Variants in TEAD1 observed in about 807,000 individuals in gnomAD.
TEAD1 encodes the protein TEA domain transcription factor 1, also known as transcriptional enhancer factor TEF-1.
A neutral mutation model predicts 54.9 loss-of-function variants in TEAD1; 9 were observed. That is an observed-to-expected ratio of 0.16 (90% CI 0.10 to 0.29). The LOEUF (loss-of-function observed/expected upper bound fraction) is 0.29, where lower values mean the gene tolerates loss of function less well. Among genes scored for constraint, TEAD1 ranks in the 10% least tolerant of loss-of-function variants. The probability of loss-of-function intolerance (pLI) is 1.00; values close to 1 mark genes in which losing one functional copy is unlikely to be tolerated. For synonymous variants in TEAD1, 200 were observed against 187.8 expected (o/e 1.07, Z -0.53); for missense variants, 387 against 535.9 (o/e 0.72, Z 2.74).
At chr11:12,741,610 C>T (rs1944650470) in intron 2 of TEAD1, among the ~76,000 whole-genome samples, 1 of 152,160 alleles carries the variant, frequency 6.6e-6, no homozygotes, top group South Asian at 2.1e-4. Context: ...CTGTAATTGT[C>T]TATTCATCTC....
intron 3 of TEAD1, among the ~76,000 whole-genome samples, chr11:12,841,370 G>T (rs990545188): frequency 1.3e-5 from 2 of 152,204 alleles, no homozygotes; most frequent in African/African-American, 4.8e-5. Context: ...TCTGCTGTGA[G>T]TGCAGCTCCT....
intron 3 of TEAD1, among the ~76,000 whole-genome samples, chr11:12,845,834 C>T (rs1463354871): frequency 6.6e-6 from 1 of 152,218 alleles, no homozygotes; most frequent in African/African-American, 2.4e-5. Context: ...TTGGTCGCCT[C>T]TCTGGGTGTC....
At chr11:12,730,863 G>T (rs2133878959) in intron 2 of TEAD1, among the ~76,000 whole-genome samples, 1 of 151,870 alleles carries the variant, frequency 6.6e-6, no homozygotes, top group East Asian at 1.9e-4. Context: ...ACCATGCCCG[G>T]CTAATTTTAG....
In TEAD1 at chr11:12,687,097, A is replaced by G. The variant is rs557843427; in HGVS notation, c.-55+11536A>G. On this transcript the variant is annotated intron_variant, in intron 2 of 12. Coordinates refer to ENST00000527636, the MANE Select transcript of TEAD1 (RefSeq NM_021961.6). ...AAGTCCTGGTTGGGAATCCTCTGCT[A>G]TGGCTCTTCCTGTGACCTTAGGTAA... Among the ~76,000 whole-genome samples the G allele has an allele frequency of 2.6e-5, 4 of 152,312 alleles. No homozygotes were observed. The South Asian group carries it at 8.3e-4, about 32-fold the overall frequency.
At chr11:12,905,227 A>G (rs1734372815) in intron 10 of TEAD1, among the ~76,000 whole-genome samples, 1 of 152,218 alleles carries the variant, frequency 6.6e-6, no homozygotes, top group Non-Finnish European at 1.5e-5. Context: ...CCCTTATTTT[A>G]CCCAGTGGAT....
intron 10 of TEAD1, among the ~76,000 whole-genome samples, chr11:12,915,275 A>C (rs1368323035): frequency 6.6e-6 from 1 of 152,102 alleles, no homozygotes. Context: ...AAATGCTGCC[A>C]CCGCGTGAGC....
chr11:12,848,496 G>C (rs1392627756), intron 3 of TEAD1, among the ~76,000 whole-genome samples: 1 of 152,170 alleles, frequency 6.6e-6, no homozygotes, highest in Non-Finnish European at 1.5e-5. Context: ...AAGGAACTTG[G>C]AAGACAAAGC....
rs150852606 is a variant in TEAD1 at position 12,731,049 on chromosome 11, TGAG to T, written c.-54-33126_-54-33124del. On this transcript the variant is annotated intron_variant, in intron 2 of 12. Coordinates refer to ENST00000527636, the MANE Select transcript of TEAD1 (RefSeq NM_021961.6). ...CATCCTGGAGGCACAGATCTTTTGA[TGAG>T]GAGCTTACTACAGCAAAGGCCAGTT... Among the ~76,000 whole-genome samples, 214 of 152,226 alleles carry T rather than the reference TGAG, an allele frequency of 1.4e-3. 7 individuals carry two copies. In the East Asian group the frequency reaches 0.036, roughly 25 times the overall value.
At chr11:12,797,636 A>G (rs1357597065) in intron 3 of TEAD1, among the ~76,000 whole-genome samples, 1 of 149,936 alleles carries the variant, frequency 6.7e-6, no homozygotes, top group Non-Finnish European at 1.5e-5. Flanking sequence ...GGTTTTATTT[A>G]TCCCCTCTTT....
At chr11:12,802,056 C>T (rs1946070118) in intron 3 of TEAD1, among the ~76,000 whole-genome samples, 2 of 152,192 alleles carry the variant, frequency 1.3e-5, no homozygotes, top group African/African-American at 4.8e-5. Flanking sequence ...ATGCCAAGCC[C>T]TGTTCACATT....
chr11:12,930,006 A>G (rs910211294), intron 11 of TEAD1, among the ~76,000 whole-genome samples, 168 bp from the exon 12 acceptor site: 3 of 152,222 alleles, frequency 2.0e-5, no homozygotes, highest in African/African-American at 4.8e-5. Context: ...ATGTATAGCA[A>G]TAAATTTGGA....
At chr11:12,762,123 C>T (rs186448419) in intron 2 of TEAD1, among the ~76,000 whole-genome samples, 1 of 152,248 alleles carries the variant, frequency 6.6e-6, no homozygotes, top group East Asian at 1.9e-4. Flanking sequence ...TAAAGTGTGG[C>T]TCCTCGGAGT....
chr11:12,879,439 C>T (rs1266340793), intron 5 of TEAD1: 5 of 613,158 alleles, frequency 8.2e-6, no homozygotes, highest in Non-Finnish European at 1.5e-5. Context: ...GTTGTCCACT[C>T]TTCTGAGAGG....
intron 3 of TEAD1, among the ~76,000 whole-genome samples, chr11:12,852,399 C>T (rs1462589777): frequency 1.3e-5 from 2 of 151,182 alleles, no homozygotes; most frequent in African/African-American, 4.9e-5. Flanking sequence ...CTATTTAGGT[C>T]ACAGTTGGGG....
chr11:12,883,153 G>A lies in TEAD1; in HGVS notation c.699+28G>A, dbSNP rs540793614. 7.4e-6 allele frequency: 12 copies of A among 1,614,016 alleles called. No individual in the cohort carries two copies. In the South Asian group the frequency reaches 1.3e-4, roughly 18 times the overall value. ...GAGTGTGCCCAGAGAGGTGTGTCTTGAATCCAGGATTTCTTTCCCTTTACT... is the reference window on the plus strand; with the variant it reads ...GAGTGTGCCCAGAGAGGTGTGTCTTAAATCCAGGATTTCTTTCCCTTTACT... On this transcript the variant is annotated intron_variant, in intron 9 of 12. Transcript: ENST00000527636.
At chr11:12,903,793 C>T (rs1039894983) in intron 10 of TEAD1, among the ~76,000 whole-genome samples, 11 of 152,186 alleles carry the variant, frequency 7.2e-5, no homozygotes, top group African/African-American at 2.2e-4. Flanking sequence ...GCCTGAGTAA[C>T]AGAGCAAGAC....
chr11:12,794,521 A>T (rs1435889610), intron 3 of TEAD1, among the ~76,000 whole-genome samples: 1 of 152,202 alleles, frequency 6.6e-6, no homozygotes, highest in Admixed American at 6.5e-5. Context: ...GACATGTGAC[A>T]GCCTGTCTAG....
intron 10 of TEAD1, 23 bp from the exon 11 acceptor site, chr11:12,924,889 C>T (rs1948880792): frequency 6.2e-7 from 1 of 1,614,130 alleles, no homozygotes; most frequent in Non-Finnish European, 8.5e-7. Flanking sequence ...GAATAACCCA[C>T]ACCTCCATTT....
intron 2 of TEAD1, among the ~76,000 whole-genome samples, chr11:12,753,750 C>T (rs1359993450): frequency 6.6e-6 from 1 of 152,080 alleles, no homozygotes; most frequent in Non-Finnish European, 1.5e-5. Context: ...TGATTTGGTC[C>T]AGTTTATCAT....
Sources: gnomAD v4.1 joint callset for allele counts (sites outside exome capture counted in the v4.1 genomes callset) on GRCh38, gnomAD v4.1.1 for gene constraint, MANE v1.5 for transcripts, NCBI Gene and HGNC (gene_info 2026-07-23, HGNC 2026-07-21) for gene names.